Variants in USP31 observed in about 807,000 individuals in gnomAD.
USP31 encodes ubiquitin specific peptidase 31, also known as ubiquitin carboxyl-terminal hydrolase 31.
Under a neutral mutation model 119.4 loss-of-function variants are expected in USP31, and 44 were observed. The ratio of observed to expected loss-of-function variants is 0.37; its 90% CI spans 0.29 to 0.47. The LOEUF is 0.47. Ranked by LOEUF, USP31 falls within the 20% of genes least tolerant of loss-of-function variation. The probability of loss-of-function intolerance (pLI) is 0.99; values close to 1 mark genes in which losing one functional copy is unlikely to be tolerated. For missense variants in USP31, 1,643 were observed against 1,730.2 expected, an observed-to-expected ratio of 0.95 and a Z score of 0.89; for synonymous variants, 749 against 705.6, an observed-to-expected ratio of 1.06 and a Z score of -0.97.
intron 1 of USP31, among the ~76,000 whole-genome samples, chr16:23,114,008 G>A (rs1314580149): frequency 6.6e-6 from 1 of 152,104 alleles, no homozygotes; most frequent in Non-Finnish European, 1.5e-5. Context: ...AGGCGACTGA[G>A]GCAGGAGAGT....
chr16:23,138,219 A>G (rs1567248766), intron 1 of USP31, among the ~76,000 whole-genome samples: 1 of 152,258 alleles, frequency 6.6e-6, no homozygotes, highest in Admixed American at 6.5e-5. Context: ...TTGGAGTGTT[A>G]TAACAAATAG....
rs1903615193 is a variant in USP31, at chr16:23,148,831, C to T, written c.440G>A (p.Ser147Asn). Reference protein sequence around the residue: ...CFMNATLQCLSNTELFAEYLA... With the variant: ...CFMNATLQCLNNTELFAEYLA... ...GTACTCGGCGAAGAGCTCGGTGTTG[C>T]TGAGGCACTGCAGCGTGGCGTTCAT... The change falls in exon 1 of 16, where the codon AGC becomes AAC. Residue 147 changes from serine to asparagine, a missense_variant. Coordinates refer to ENST00000219689, the MANE Select transcript of USP31 (RefSeq NM_020718.4). 6.5e-7 allele frequency: 1 copy of T among 1,537,878 alleles called. No homozygotes were observed. The highest frequency in any genetic ancestry group is 8.7e-7 in the Non-Finnish European group (1 of 1,145,464).
chr16:23,122,051 T>C (rs1027760693), intron 1 of USP31, among the ~76,000 whole-genome samples: 2 of 152,182 alleles, frequency 1.3e-5, no homozygotes, highest in Non-Finnish European at 2.9e-5. Flanking sequence ...AATCTGGATA[T>C]ATGGTTTGAT....
intron 13 of USP31, 47 bp from the exon 14 acceptor site, chr16:23,073,927 C>A: frequency 1.2e-6 from 2 of 1,612,892 alleles, no homozygotes; most frequent in South Asian, 2.2e-5. Context: ...CTGCACCAGC[C>A]ACTTCATGCG....
At chr16:23,131,557 C>A (rs1389174167) in intron 1 of USP31, among the ~76,000 whole-genome samples, 1 of 152,072 alleles carries the variant, frequency 6.6e-6, no homozygotes, top group African/African-American at 2.4e-5. Context: ...GGATCAAACA[C>A]AGAAACCTGT....
intron 1 of USP31, among the ~76,000 whole-genome samples, chr16:23,133,151 A>T (rs1040339716): frequency 1.3e-5 from 2 of 152,216 alleles, no homozygotes; most frequent in African/African-American, 4.8e-5. Context: ...CAACCTGCTC[A>T]TAAATCCTGT....
In USP31 at chr16:23,064,594, G is replaced by A. The variant is rs893606076; in HGVS notation, c.*3452C>T. On this transcript the variant is annotated 3_prime_UTR_variant, in exon 16 of 16. Transcript: ENST00000219689. ...AGTAAAATGTCTCTAAAGATGAAGG[G>A]CACTTTTGGTTTCCAGAAGGAACAG... The A allele has an allele frequency of 3.9e-5, 6 of 152,148 alleles. No homozygotes were observed. Among genetic ancestry groups the A allele is most frequent in the Admixed American group, 3.9e-4 (6 of 15,268 alleles). The allele number at this position is 152,148 out of a possible 1,614,324, so 9.4% of individuals were successfully genotyped here. A position where few individuals can be genotyped will look rare whatever the true frequency, so the allele number is the denominator to read the frequency against.
At chr16:23,143,139 A>G (rs1018113364) in intron 1 of USP31, among the ~76,000 whole-genome samples, 20 of 151,430 alleles carry the variant, frequency 1.3e-4, no homozygotes, top group African/African-American at 4.9e-4. Context: ...AAGTTCAAGG[A>G]AAAAAAAATG....
intron 15 of USP31, among the ~76,000 whole-genome samples, chr16:23,070,053 A>G (rs1900282207): frequency 6.6e-6 from 1 of 152,230 alleles, no homozygotes; most frequent in South Asian, 2.1e-4. Context: ...TATTTGGCCT[A>G]TGGGGCTACA....
intron 1 of USP31, among the ~76,000 whole-genome samples, chr16:23,119,565 A>T (rs1902601563): frequency 6.6e-6 from 1 of 152,252 alleles, no homozygotes; most frequent in African/African-American, 2.4e-5. Flanking sequence ...TTAGACATAA[A>T]GCACGACTGA....
At chr16:23,137,024 G>A (rs1222081455) in intron 1 of USP31, among the ~76,000 whole-genome samples, 1 of 152,114 alleles carries the variant, frequency 6.6e-6, no homozygotes, top group Non-Finnish European at 1.5e-5. Context: ...ACCAGCCTAG[G>A]CAACAAGGTA....
intron 1 of USP31, among the ~76,000 whole-genome samples, chr16:23,121,996 G>A (rs1015726760): frequency 3.2e-4 from 48 of 152,186 alleles, no homozygotes; most frequent in African/African-American, 1.1e-3. Flanking sequence ...TCTTTATGAC[G>A]AAAATTACTC....
At chr16:23,110,576 A>G (rs561141050) in intron 1 of USP31, among the ~76,000 whole-genome samples, 16 of 152,326 alleles carry the variant, frequency 1.1e-4, no homozygotes, top group African/African-American at 3.8e-4. Flanking sequence ...AAGATTTTAA[A>G]GGCCAGTCAA....
intron 5 of USP31, among the ~76,000 whole-genome samples, chr16:23,103,428 T>A (rs1295086389): frequency 6.6e-6 from 1 of 152,120 alleles, no homozygotes; most frequent in Admixed American, 6.5e-5. Flanking sequence ...AAAATCTAAG[T>A]AAATACAAAG....
intron 1 of USP31, among the ~76,000 whole-genome samples, chr16:23,137,310 G>A (rs1406153466): frequency 6.6e-6 from 1 of 152,178 alleles, no homozygotes; most frequent in Non-Finnish European, 1.5e-5. Flanking sequence ...TGGTGAAGAT[G>A]CAGAAAAATC....
intron 1 of USP31, among the ~76,000 whole-genome samples, chr16:23,113,556 A>G (rs1902391630): frequency 6.6e-6 from 1 of 152,218 alleles, no homozygotes; most frequent in African/African-American, 2.4e-5. Flanking sequence ...GCAGGCTCTG[A>G]GGCAGATCCT....
intron 1 of USP31, chr16:23,115,835 G>C: frequency 1.4e-5 from 11 of 803,084 alleles, no homozygotes; most frequent in Non-Finnish European, 1.6e-5. Flanking sequence ...TTCCCTTAAA[G>C]AAAAAAAAAA....
intron 12 of USP31, among the ~76,000 whole-genome samples, chr16:23,080,842 A>T (rs1209554779): frequency 6.6e-6 from 1 of 152,194 alleles, no homozygotes; most frequent in Non-Finnish European, 1.5e-5. Context: ...GGGAAGAAAA[A>T]TGTTCATGAG....
rs1372512080 is a variant in USP31 at position 23,080,038 on chromosome 16, G to A, written c.2084C>T (p.Pro695Leu). 1 of 1,614,018 alleles carries A rather than the reference G, an allele frequency of 6.2e-7. No individual in the cohort carries two copies. Among genetic ancestry groups the A allele is most frequent in the African/African-American group, 1.3e-5 (1 of 74,970 alleles). The change falls in exon 13 of 16, where the codon CCC becomes CTC. Residue 695 changes from proline (P) to leucine (L), a missense_variant. Physicochemically the swap from Pro to Leu is moderately conservative, Grantham distance 98 (BLOSUM62 -3). Coordinates refer to ENST00000219689, the MANE Select transcript of USP31 (RefSeq NM_020718.4). ...CTCAGGGTCCCTCCCGAGTCCATAGGGCCGTCTCCACGGGGACCAATGCGA... is the reference window on the plus strand; with the variant it reads ...CTCAGGGTCCCTCCCGAGTCCATAGAGCCGTCTCCACGGGGACCAATGCGA... Reference protein sequence around the residue: ...LPSHWSPWRRPYGLGRDPEDY... With the variant: ...LPSHWSPWRRLYGLGRDPEDY...
Sources: allele counts gnomAD v4.1 joint callset (sites outside exome capture counted in the v4.1 genomes callset), GRCh38; gene constraint gnomAD v4.1.1; transcripts MANE v1.5; gene names NCBI Gene and HGNC (gene_info 2026-07-23, HGNC 2026-07-21).